Variants in PFKFB3 observed in about 807,000 individuals in gnomAD.
The protein encoded by PFKFB3 is 6-phosphofructo-2-kinase/fructose-2,6-bisphosphatase 3.
PFKFB3 carries 33 observed loss-of-function variants against 68.0 expected under a neutral mutation model. The ratio of observed to expected loss-of-function variants is 0.49; its 90% CI spans 0.37 to 0.65. The LOEUF (loss-of-function observed/expected upper bound fraction) is 0.65, where lower values mean the gene tolerates loss of function less well. Among genes scored for constraint, PFKFB3 ranks in the 30% least tolerant of loss-of-function variants. The probability of loss-of-function intolerance (pLI) is 0.00; values close to 1 mark genes in which losing one functional copy is unlikely to be tolerated. For missense variants in PFKFB3, 586 were observed against 712.2 expected, an observed-to-expected ratio of 0.82 and a Z score of 2.02; for synonymous variants, 315 against 288.2, an observed-to-expected ratio of 1.09 and a Z score of -0.94.
At chr10:6,145,730 T>A (rs972787464) in intron 1 of PFKFB3, among the ~76,000 whole-genome samples, 1 of 151,874 alleles carries the variant, frequency 6.6e-6, no homozygotes, top group Non-Finnish European at 1.5e-5. Flanking sequence ...ATGGGAGCCG[T>A]CCCCAGAAAA....
At chr10:6,278,848 G>GT in the PFKFB3 span, among the ~76,000 whole-genome samples, 94,608 of 152,008 alleles carry the variant, frequency 0.62, 30,260 homozygotes, top group Non-Finnish European at 0.71. Flanking sequence ...GTGGTGGGTG[G>GT]TAAAATCATA....
chr10:6,169,098 G>A (rs1280797679), intron 1 of PFKFB3, among the ~76,000 whole-genome samples: 5 of 152,148 alleles, frequency 3.3e-5, no homozygotes, highest in East Asian at 3.9e-4. Flanking sequence ...GTGCCACCAC[G>A]CCCGGCAAAT....
chr10:6,205,936 T>C (rs1223491695), intron 1 of PFKFB3, among the ~76,000 whole-genome samples: 3 of 151,936 alleles, frequency 2.0e-5, no homozygotes, highest in African/African-American at 7.2e-5. Context: ...TAGCCGGGAC[T>C]ATAAGTGTGC....
intron 13 of PFKFB3, 47 bp downstream of exon 13, chr10:6,224,260 C>A (rs1317042913): frequency 1.9e-6 from 3 of 1,584,798 alleles, no homozygotes; most frequent in East Asian, 2.2e-5. Flanking sequence ...CACACGATAG[C>A]CCTAGTGGGT....
At chr10:6,177,329 G>A (rs1217527839) in intron 1 of PFKFB3, among the ~76,000 whole-genome samples, 1 of 138,160 alleles carries the variant, frequency 7.2e-6, no homozygotes, top group Non-Finnish European at 1.6e-5. Context: ...ATAAAACGGA[G>A]TTTGTGGGAT....
chr10:6,311,764 AG>A, the PFKFB3 span, among the ~76,000 whole-genome samples: 44 of 152,168 alleles, frequency 2.9e-4, 1 homozygote, highest in Non-Finnish European at 5.6e-4. Flanking sequence ...AAAAGAAAAA[AG>A]AAAAAAAGAA....
chr10:6,154,594 A>G lies in PFKFB3; in HGVS notation c.16+9581A>G, dbSNP rs1453844379. Among the ~76,000 whole-genome samples the G allele has an allele frequency of 3.3e-5, 5 of 152,118 alleles. No individual in the cohort carries two copies. Among genetic ancestry groups the G allele is most frequent in the Non-Finnish European group, 7.4e-5 (5 of 68,022 alleles). ...TAAAACGTCTCCGCCACGGGTGGCT[A>G]CTATCCTGAGAGCAGACTGTGGGGT... On this transcript the variant is annotated intron_variant, in intron 1 of 14. Coordinates refer to the PFKFB3 transcript ENST00000379789. The surrounding 1 kb of genome is among the most constrained non-coding windows in gnomAD (Gnocchi z 4.6).
the PFKFB3 span, among the ~76,000 whole-genome samples, chr10:6,267,151 A>G: frequency 1.3e-5 from 2 of 152,242 alleles, no homozygotes; most frequent in Non-Finnish European, 2.9e-5. Flanking sequence ...ACATAAGCGC[A>G]TTTAACTCAT....
chr10:6,182,461 T>C (rs1256637986), intron 1 of PFKFB3, among the ~76,000 whole-genome samples: 1 of 152,140 alleles, frequency 6.6e-6, no homozygotes, highest in Non-Finnish European at 1.5e-5. Flanking sequence ...CTTTCCATCC[T>C]AGGGCCGAGC....
intron 1 of PFKFB3, among the ~76,000 whole-genome samples, chr10:6,177,438 CTCTTTCTTTCTTTCTTTCTT>C (rs60272376): frequency 0.025 from 2,162 of 86,592 alleles, 90 homozygotes; most frequent in Middle Eastern, 0.12. Flanking sequence ...TCTTTTCTTT[CTCTTTCTTTCTTTCTTTCTT>C]TCTTTCTTTC....
At chr10:6,224,330 A>T in intron 13 of PFKFB3, 117 bp downstream of exon 13, 1 of 932,148 alleles carries the variant, frequency 1.1e-6, no homozygotes, top group Non-Finnish European at 1.7e-6. Context: ...GTCTGGGGCC[A>T]TGGGCCTGCT....
At chr10:6,198,656 T>A (rs1053651907), upstream of PFKFB3, among the ~76,000 whole-genome samples, 1 of 152,198 alleles carries the variant, frequency 6.6e-6, no homozygotes, top group South Asian at 2.1e-4. Context: ...CTAATTTTTG[T>A]ATTTTTAGTA....
At chr10:6,295,606 A>G in the PFKFB3 span, among the ~76,000 whole-genome samples, 1 of 151,706 alleles carries the variant, frequency 6.6e-6, no homozygotes, top group Non-Finnish European at 1.5e-5. Context: ...GGGGTTAGGG[A>G]AGCATTCTTT....
the PFKFB3 span, among the ~76,000 whole-genome samples, chr10:6,297,521 G>A: frequency 2.2e-3 from 331 of 151,692 alleles, 1 homozygote; most frequent in African/African-American, 7.6e-3. Context: ...TTTTTTTGTA[G>A]GCATCCTGTG....
intron 1 of PFKFB3, among the ~76,000 whole-genome samples, chr10:6,205,679 C>T (rs914674789): frequency 1.3e-5 from 2 of 152,162 alleles, no homozygotes; most frequent in African/African-American, 4.8e-5. Context: ...AGGCATGAGC[C>T]ACCACGCCCA....
the PFKFB3 span, among the ~76,000 whole-genome samples, chr10:6,272,561 G>A: frequency 6.6e-6 from 1 of 152,102 alleles, no homozygotes; most frequent in Middle Eastern, 3.2e-3. Context: ...TGGGCATGGT[G>A]GTGGGTGCCT....
intron 1 of PFKFB3, among the ~76,000 whole-genome samples, chr10:6,148,448 G>T (rs1362978899): frequency 6.6e-6 from 1 of 152,222 alleles, no homozygotes; most frequent in Non-Finnish European, 1.5e-5. Context: ...TGCTCAGCGT[G>T]AGGCTGGAGC....
At chr10:6,265,463 G>A in the PFKFB3 span, among the ~76,000 whole-genome samples, 1 of 152,040 alleles carries the variant, frequency 6.6e-6, no homozygotes, top group South Asian at 2.1e-4. Flanking sequence ...TTTATCAAAT[G>A]TTTCTCAATT....
chr10:6,203,174 T>G lies in PFKFB3; in HGVS notation c.-87T>G. ...CGCGCCGGCGCACGCCCCCCTCTCCTCCTTTGTTCCGGGGGTCGGCGGCCG... is the reference window on the plus strand; with the variant it reads ...CGCGCCGGCGCACGCCCCCCTCTCCGCCTTTGTTCCGGGGGTCGGCGGCCG... On this transcript the variant is annotated 5_prime_UTR_variant, in exon 1 of 15. Transcript: ENST00000379775. 6.5e-7 allele frequency: 1 copy of G among 1,544,926 alleles called. No homozygotes were observed. The highest frequency in any genetic ancestry group is 8.7e-7 in the Non-Finnish European group (1 of 1,146,338).
Sources: allele counts gnomAD v4.1 joint callset (sites outside exome capture counted in the v4.1 genomes callset), GRCh38; gene constraint gnomAD v4.1.1; non-coding constraint Gnocchi (gnomAD v3.1); transcripts MANE v1.5; gene names NCBI Gene and HGNC (gene_info 2026-07-23, HGNC 2026-07-21).